Variants in GPATCH1 observed in about 807,000 individuals in gnomAD.
GPATCH1 encodes G-patch domain containing 1.
Under a neutral mutation model 114.9 loss-of-function variants are expected in GPATCH1, and 73 were observed. The observed-to-expected ratio is 0.64, with a 90% CI of 0.53 to 0.77. The LOEUF (loss-of-function observed/expected upper bound fraction) is 0.77. Ranked by LOEUF, GPATCH1 falls within the 30% of genes least tolerant of loss-of-function variation. The pLI is 0.00. For missense variants in GPATCH1, 1,058 were observed against 1,144.3 expected (o/e 0.92, Z 1.09); for synonymous variants, 391 against 428.4 (o/e 0.91, Z 1.08).
In GPATCH1 at chr19:33,088,211, G is replaced by A. The variant is rs768936104; in HGVS notation, c.151G>A (p.Gly51Arg). The change falls in exon 2 of 20, where the codon GGG becomes AGG. Residue 51 changes from glycine to arginine, a missense_variant. Physicochemically the swap from Gly to Arg is moderately radical, Grantham distance 125 (BLOSUM62 -2). Transcript: ENST00000170564. ...DEKGRYKRFHGAFSGGFSAGY... is the reference protein window; with the variant it reads ...DEKGRYKRFHRAFSGGFSAGY... ...AAAAGGAAGGTATAAACGATTCCAC[G>A]GGGCCTTTAGTGGAGGTTTCTCTGC... The A allele has an allele frequency of 2.0e-5, 32 of 1,603,448 alleles. No homozygotes were observed. The highest frequency in any genetic ancestry group is 3.4e-5 in the Admixed American group (2 of 59,510).
At chr19:33,109,039 C>T (rs1269867271) in intron 10 of GPATCH1, among the ~76,000 whole-genome samples, 2 of 151,640 alleles carry the variant, frequency 1.3e-5, no homozygotes, top group African/African-American at 4.9e-5. Flanking sequence ...GGAAACATGG[C>T]GTAATCCCGT....
intron 3 of GPATCH1, among the ~76,000 whole-genome samples, chr19:33,091,528 A>G (rs1972596187): frequency 6.6e-6 from 1 of 152,046 alleles, no homozygotes; most frequent in East Asian, 1.9e-4. Flanking sequence ...GCAGTAAAGA[A>G]CTGTGAGTGA....
chr19:33,128,427 A>AT, intron 19 of GPATCH1, among the ~76,000 whole-genome samples: 1 of 152,150 alleles, frequency 6.6e-6, no homozygotes, highest in East Asian at 1.9e-4. Flanking sequence ...CGTCCAGCTA[A>AT]TTTTTTGTAT....
chr19:33,114,772 A>G (rs1972897786), intron 15 of GPATCH1, among the ~76,000 whole-genome samples: 1 of 144,112 alleles, frequency 6.9e-6, no homozygotes, highest in African/African-American at 2.6e-5. Context: ...TTAGGTGTAT[A>G]TACATTTAGG....
chr19:33,086,764 A>C (rs775601424), intron 1 of GPATCH1, among the ~76,000 whole-genome samples: 71 of 152,182 alleles, frequency 4.7e-4, no homozygotes, highest in Non-Finnish European at 7.4e-4. Context: ...CTGATGACAA[A>C]TCTTAACAAG....
intron 19 of GPATCH1, among the ~76,000 whole-genome samples, chr19:33,127,290 G>A (rs940313805): frequency 1.3e-5 from 2 of 151,922 alleles, no homozygotes; most frequent in African/African-American, 2.4e-5. Context: ...AGGCCGAGGC[G>A]GGTGGATCAC....
At chr19:33,088,979 C>T (rs1188219449) in intron 2 of GPATCH1, among the ~76,000 whole-genome samples, 1 of 152,112 alleles carries the variant, frequency 6.6e-6, no homozygotes, top group Non-Finnish European at 1.5e-5. Flanking sequence ...ACACTGTAAC[C>T]TCTTGTGTTC....
At chr19:33,112,725 A>C in intron 13 of GPATCH1, 112 bp downstream of exon 13, 2 of 682,930 alleles carry the variant, frequency 2.9e-6, no homozygotes, top group South Asian at 2.4e-5. Flanking sequence ...ACTTATTTGC[A>C]TATCACTGGA....
intron 1 of GPATCH1, among the ~76,000 whole-genome samples, chr19:33,082,902 G>C (rs1972493679): frequency 6.6e-6 from 1 of 151,986 alleles, no homozygotes; most frequent in Non-Finnish European, 1.5e-5. Context: ...CAAAGTGCTG[G>C]ATTGCATGCA....
chr19:33,095,573 T>A lies in GPATCH1; in HGVS notation c.554-189T>A, dbSNP rs114777375. Among the ~76,000 whole-genome samples, 587 of 151,938 alleles carry A rather than the reference T, an allele frequency of 3.9e-3. 4 individuals are homozygous for A. The highest frequency in any genetic ancestry group is 0.011 in the African/African-American group (473 of 41,452). ...CCGCTGCGCCCAGCCTTTTTTTTTTTAAATTTTTTGTGGAGGCGGAATCTC... is the reference window on the plus strand; with the variant it reads ...CCGCTGCGCCCAGCCTTTTTTTTTTAAAATTTTTTGTGGAGGCGGAATCTC... On this transcript the variant is annotated intron_variant, in intron 5 of 19. Coordinates refer to ENST00000170564, the MANE Select transcript of GPATCH1 (RefSeq NM_018025.3).
intron 2 of GPATCH1, among the ~76,000 whole-genome samples, chr19:33,089,706 C>T (rs1388099485): frequency 3.3e-5 from 5 of 151,488 alleles, no homozygotes; most frequent in Admixed American, 2.0e-4. Flanking sequence ...CTTCAACCTC[C>T]GCCTCCTGGG....
In GPATCH1 at chr19:33,117,916, A is replaced by C; in HGVS notation, c.2288A>C (p.Asp763Ala). The change falls in exon 16 of 20, where the codon GAT (aspartate) becomes GCT (alanine). Residue 763 changes from aspartate to alanine, a missense_variant. This residue lies in a region of GPATCH1 where 893 missense variants were observed against 977.4 expected (regional missense o/e 0.91). Coordinates refer to ENST00000170564, the MANE Select transcript of GPATCH1 (RefSeq NM_018025.3). Reference protein sequence around the residue: ...LFRAIFASSSDEKSSSSEDEQ... With the variant: ...LFRAIFASSSAEKSSSSEDEQ... ...AGGGCCATCTTTGCCAGTTCCTCAG[A>C]TGAAAAGTCCTCATCCTCCGAGGAT... 2 of 1,613,954 alleles carry C rather than the reference A, an allele frequency of 1.2e-6. No homozygotes were observed. Among genetic ancestry groups the C allele is most frequent in the Non-Finnish European group, 1.7e-6 (2 of 1,179,928 alleles).
chr19:33,107,851 T>A (rs1972803190), intron 10 of GPATCH1, among the ~76,000 whole-genome samples: 1 of 151,904 alleles, frequency 6.6e-6, no homozygotes, highest in African/African-American at 2.4e-5. Flanking sequence ...ATTTTTAATT[T>A]TTATTTTTTT....
At chr19:33,120,403 C>T (rs962759021) in intron 17 of GPATCH1, among the ~76,000 whole-genome samples, 4 of 146,734 alleles carry the variant, frequency 2.7e-5, no homozygotes, top group Admixed American at 1.4e-4. Context: ...ATTAGCCAGG[C>T]ATGGTGGTGT....
intron 2 of GPATCH1, among the ~76,000 whole-genome samples, chr19:33,089,878 C>T (rs571861796): frequency 1.3e-5 from 2 of 152,178 alleles, no homozygotes; most frequent in South Asian, 4.1e-4. Context: ...CCTCAGCTTC[C>T]CCAAGTGCTG....
At chr19:33,129,378 G>T (rs1241177730) in intron 19 of GPATCH1, among the ~76,000 whole-genome samples, 1 of 151,252 alleles carries the variant, frequency 6.6e-6, no homozygotes, top group Non-Finnish European at 1.5e-5. Context: ...TTCAAGACCA[G>T]CTCGGGTAAT....
At chr19:33,085,146 C>G (rs1014651333) in intron 1 of GPATCH1, among the ~76,000 whole-genome samples, 6 of 152,130 alleles carry the variant, frequency 3.9e-5, no homozygotes, top group African/African-American at 1.4e-4. Flanking sequence ...AGAACGGGAG[C>G]AGAGTTTTGT....
intron 1 of GPATCH1, among the ~76,000 whole-genome samples, chr19:33,086,644 C>T (rs1043688617): frequency 1.3e-5 from 2 of 151,986 alleles, no homozygotes; most frequent in Admixed American, 6.6e-5. Context: ...TTAGCAGAGA[C>T]GGGGTTTCAC....
intron 1 of GPATCH1, among the ~76,000 whole-genome samples, chr19:33,086,471 T>G (rs926426925): frequency 7.2e-5 from 11 of 152,042 alleles, no homozygotes; most frequent in Non-Finnish European, 7.4e-5. Context: ...TGACAAATTT[T>G]TTTTCTTTTT....
Sources: gnomAD v4.1 joint callset for allele counts (sites outside exome capture counted in the v4.1 genomes callset) on GRCh38, gnomAD v4.1.1 for gene constraint, gnomAD v4.1.1 regional missense constraint, MANE v1.5 for transcripts, NCBI Gene and HGNC (gene_info 2026-07-23, HGNC 2026-07-21) for gene names.